The following HCRTR2 variants were observed in gnomAD, a reference collection of about 807,000 sequenced individuals.
The protein encoded by HCRTR2 is orexin receptor type 2.
In HCRTR2, 22 loss-of-function variants were observed where a neutral mutation model predicts 49.0. The observed-to-expected ratio is 0.45, with a 90% CI of 0.32 to 0.64. HCRTR2 has a LOEUF of 0.64. HCRTR2 is among the 30% of genes least tolerant of loss of function. The pLI, the probability that HCRTR2 is intolerant of heterozygous loss-of-function variation, is 0.04. For missense variants in HCRTR2, 491 were observed against 559.4 expected, an observed-to-expected ratio of 0.88 and a Z score of 1.23; for synonymous variants, 236 against 205.3, an observed-to-expected ratio of 1.15 and a Z score of -1.28.
At chr6:55,247,065 A>T (rs1176830229) in intron 1 of HCRTR2, among the ~76,000 whole-genome samples, 1 of 152,060 alleles carries the variant, frequency 6.6e-6, no homozygotes, top group Non-Finnish European at 1.5e-5. Context: ...AAGTACCAGA[A>T]ATATAATATT....
chr6:55,233,307 T>C (rs1464238908), intron 1 of HCRTR2, among the ~76,000 whole-genome samples: 1 of 151,602 alleles, frequency 6.6e-6, no homozygotes, highest in Non-Finnish European at 1.5e-5. Context: ...GCCAGGCTGG[T>C]CTCAAACTCC....
intron 1 of HCRTR2, among the ~76,000 whole-genome samples, chr6:55,130,122 C>T (rs1393770684): frequency 6.6e-6 from 1 of 151,892 alleles, no homozygotes; most frequent in Admixed American, 6.6e-5. Context: ...CATCCTTATC[C>T]ATTTCAGAGG....
chr6:55,214,765 C>A (rs1412065831), intron 1 of HCRTR2, among the ~76,000 whole-genome samples: 1 of 151,704 alleles, frequency 6.6e-6, no homozygotes, highest in Non-Finnish European at 1.5e-5. Flanking sequence ...TAAAAAGAAT[C>A]AAACAAAATT....
intron 1 of HCRTR2, among the ~76,000 whole-genome samples, chr6:55,231,766 G>A (rs1206276610): frequency 6.6e-6 from 1 of 152,174 alleles, no homozygotes; most frequent in African/African-American, 2.4e-5. Flanking sequence ...TATTTTGTTT[G>A]ACGTGCCTTC....
intron 1 of HCRTR2, among the ~76,000 whole-genome samples, chr6:55,226,295 C>T (rs1766002927): frequency 6.6e-6 from 1 of 152,096 alleles, no homozygotes; most frequent in South Asian, 2.1e-4. Context: ...AGGATGAAGT[C>T]TGAAAAATGA....
chr6:55,175,671 G>C (rs76665517), intron 1 of HCRTR2, among the ~76,000 whole-genome samples: 6,064 of 152,016 alleles, frequency 0.04, 174 homozygotes, highest in Non-Finnish European at 0.061. Flanking sequence ...GGGTTTCCTC[G>C]ACCCCTCATC....
chr6:55,274,112 T>C (rs1011159029), intron 4 of HCRTR2, among the ~76,000 whole-genome samples: 1 of 151,280 alleles, frequency 6.6e-6, no homozygotes, highest in African/African-American at 2.4e-5. Flanking sequence ...TTAATTGCAT[T>C]AACTCTATAG....
intron 1 of HCRTR2, among the ~76,000 whole-genome samples, chr6:55,137,393 G>T (rs1387760919): frequency 6.6e-6 from 1 of 152,028 alleles, no homozygotes; most frequent in Admixed American, 6.6e-5. Flanking sequence ...TGGTCTTTTA[G>T]GTGCATCTAA....
intron 1 of HCRTR2, among the ~76,000 whole-genome samples, chr6:55,200,153 T>G (rs1165961523): frequency 1.3e-5 from 2 of 152,148 alleles, no homozygotes; most frequent in African/African-American, 4.8e-5. Context: ...AATCTAGAAA[T>G]CTTTCACTAT....
intron 1 of HCRTR2, among the ~76,000 whole-genome samples, chr6:55,115,195 T>C (rs1764098919): frequency 6.6e-6 from 1 of 151,810 alleles, no homozygotes; most frequent in African/African-American, 2.4e-5. Context: ...TATCCATGTA[T>C]ATTCTATTGA....
At chr6:55,245,239 A>G (rs1023862708) in intron 1 of HCRTR2, among the ~76,000 whole-genome samples, 1 of 151,498 alleles carries the variant, frequency 6.6e-6, no homozygotes, top group African/African-American at 2.4e-5. Flanking sequence ...ATTATCTAAC[A>G]CAAACTCAAA....
intron 1 of HCRTR2, among the ~76,000 whole-genome samples, chr6:55,138,025 C>T (rs904728869): frequency 1.1e-4 from 16 of 152,002 alleles, no homozygotes; most frequent in East Asian, 1.9e-4. Context: ...GAAGGGAGAA[C>T]GGGATATACT....
chr6:55,248,113 A>G (rs2127311614), intron 1 of HCRTR2, among the ~76,000 whole-genome samples: 1 of 152,248 alleles, frequency 6.6e-6, no homozygotes, highest in South Asian at 2.1e-4. Context: ...CAACATAAGT[A>G]TATGAACCAT....
At chr6:55,184,636 C>T (rs983023017) in intron 1 of HCRTR2, among the ~76,000 whole-genome samples, 12 of 152,138 alleles carry the variant, frequency 7.9e-5, no homozygotes, top group Non-Finnish European at 1.3e-4. Flanking sequence ...AGGGAATTTC[C>T]GTGAATATTT....
chr6:55,122,560 T>C (rs1187285699), intron 1 of HCRTR2, among the ~76,000 whole-genome samples: 1 of 152,102 alleles, frequency 6.6e-6, no homozygotes, highest in Non-Finnish European at 1.5e-5. Flanking sequence ...GATGTTAGGG[T>C]GTTAATTTTA....
chr6:55,126,849 T>A (rs1764285662), intron 1 of HCRTR2, among the ~76,000 whole-genome samples: 1 of 152,200 alleles, frequency 6.6e-6, no homozygotes, highest in African/African-American at 2.4e-5. Context: ...TCTTCCTGGC[T>A]GCTTTGTTTA....
At chr6:55,197,365 C>T (rs549161318) in intron 1 of HCRTR2, among the ~76,000 whole-genome samples, 1 of 152,068 alleles carries the variant, frequency 6.6e-6, no homozygotes, top group African/African-American at 2.4e-5. Flanking sequence ...ATTCTACTTC[C>T]CACCCTGACT....
intron 6 of HCRTR2, among the ~76,000 whole-genome samples, chr6:55,280,829 T>A (rs1186544998): frequency 6.6e-6 from 1 of 152,196 alleles, no homozygotes; most frequent in African/African-American, 2.4e-5. Flanking sequence ...AGAATTGGGA[T>A]CTATTCACTT....
At chr6:55,247,911 C>CA (rs1766476733) in intron 1 of HCRTR2, among the ~76,000 whole-genome samples, 1 of 152,012 alleles carries the variant, frequency 6.6e-6, no homozygotes, top group African/African-American at 2.4e-5. Flanking sequence ...TCATTTTCAC[C>CA]AAAGAAGGCA....
Sources: allele counts gnomAD v4.1 joint callset (sites outside exome capture counted in the v4.1 genomes callset), GRCh38; gene constraint gnomAD v4.1.1; transcripts MANE v1.5; gene names NCBI Gene and HGNC (gene_info 2026-07-23, HGNC 2026-07-21).